CIMIP3: variants seen among roughly 807,000 people sequenced by gnomAD.
CIMIP3 encodes the protein GUCA1A neighbor.
At chr6:42,159,563 T>C in the CIMIP3 span, among the ~76,000 whole-genome samples, 97,240 of 152,158 alleles carry the variant, frequency 0.64, 31,409 homozygotes, top group South Asian at 0.7. Flanking sequence ...GCAGTCAAAA[T>C]CCCACAGTGT....
chr6:42,155,525 G>A, the CIMIP3 span: 1 of 717,284 alleles, frequency 1.4e-6, no homozygotes, highest in Admixed American at 2.0e-5. Flanking sequence ...TCAGCTCGGG[G>A]TCACAAGAAG....
the CIMIP3 span, among the ~76,000 whole-genome samples, chr6:42,161,336 G>A: frequency 6.6e-6 from 1 of 152,178 alleles, no homozygotes; most frequent in Non-Finnish European, 1.5e-5. Context: ...AGGGCTGTGA[G>A]GCTGGGGGAG....
the CIMIP3 span, chr6:42,155,493 G>A: frequency 1.4e-6 from 1 of 715,164 alleles, no homozygotes; most frequent in Non-Finnish European, 2.6e-6. Context: ...AAGGTGTGAT[G>A]AAATCACAGG....
At chr6:42,155,687 G>A in the CIMIP3 span, 1 of 712,932 alleles carries the variant, frequency 1.4e-6, no homozygotes. Flanking sequence ...CGATCTCTCT[G>A]GGGAGATGGA....
chr6:42,163,241 C>T, the CIMIP3 span: 21 of 592,536 alleles, frequency 3.5e-5, no homozygotes, highest in African/African-American at 1.5e-4. Context: ...GGTCTTGTGG[C>T]GCTCCTAGGC....
At chr6:42,158,590 C>G in the CIMIP3 span, among the ~76,000 whole-genome samples, 3 of 152,260 alleles carry the variant, frequency 2.0e-5, no homozygotes, top group Non-Finnish European at 4.4e-5. Flanking sequence ...GGTTCCCACA[C>G]TAACCAGTTG....
chr6:42,162,627 G>A, the CIMIP3 span, among the ~76,000 whole-genome samples: 5 of 150,538 alleles, frequency 3.3e-5, no homozygotes, highest in Non-Finnish European at 5.9e-5. Flanking sequence ...TGGATGCAGG[G>A]AAGGGGGGTG....
chr6:42,156,306 C>CTTTTTTTTTT, the CIMIP3 span, among the ~76,000 whole-genome samples: 6 of 137,094 alleles, frequency 4.4e-5, no homozygotes, highest in Admixed American at 7.3e-5. Flanking sequence ...ATTTTTTTTT[C>CTTTTTTTTTT]TTTTTTTTTT....
the CIMIP3 span, among the ~76,000 whole-genome samples, chr6:42,160,467 A>G: frequency 3.3e-5 from 5 of 152,234 alleles, no homozygotes; most frequent in Non-Finnish European, 5.9e-5. Context: ...AGAGATGCAT[A>G]GAACGCAGTC....
At chr6:42,155,593 G>A in the CIMIP3 span, 1 of 717,506 alleles carries the variant, frequency 1.4e-6, no homozygotes, top group African/African-American at 1.7e-5. Flanking sequence ...GCGGCTGGGA[G>A]GTAGGTCCTC....
At chr6:42,162,246 TGTA>T in the CIMIP3 span, among the ~76,000 whole-genome samples, 1 of 151,614 alleles carries the variant, frequency 6.6e-6, no homozygotes, top group South Asian at 2.1e-4. Context: ...AAACCCCATC[TGTA>T]CTAAAAATAC....
chr6:42,156,789 G>C, the CIMIP3 span, among the ~76,000 whole-genome samples: 1 of 152,174 alleles, frequency 6.6e-6, no homozygotes, highest in Non-Finnish European at 1.5e-5. Context: ...CTTGCCCAAG[G>C]TCGCCTGACC....
chr6:42,163,199 C>T, the CIMIP3 span: 7 of 596,808 alleles, frequency 1.2e-5, no homozygotes, highest in Admixed American at 8.5e-5. Context: ...TGACCACACC[C>T]GCAAGCGCTT....
the CIMIP3 span, among the ~76,000 whole-genome samples, chr6:42,162,152 G>A: frequency 1.6e-5 from 2 of 127,174 alleles, no homozygotes; most frequent in Admixed American, 1.0e-4. Flanking sequence ...AGTGGCTCAC[G>A]CCTGTTATCC....
the CIMIP3 span, among the ~76,000 whole-genome samples, chr6:42,160,159 AT>A: frequency 1.3e-5 from 2 of 149,612 alleles, no homozygotes; most frequent in South Asian, 2.1e-4. Context: ...CTAATTTTTA[AT>A]TTTTTTTTTA....
chr6:42,162,882 C>T, the CIMIP3 span: 1 of 603,498 alleles, frequency 1.7e-6, no homozygotes, highest in Non-Finnish European at 3.1e-6. Flanking sequence ...GTCCCAGTAT[C>T]CAATGCCTCA....
the CIMIP3 span, among the ~76,000 whole-genome samples, chr6:42,158,162 G>A: frequency 6.6e-6 from 1 of 152,232 alleles, no homozygotes; most frequent in Admixed American, 6.5e-5. Flanking sequence ...TGTGAGCAAA[G>A]AATAGCCAGT....
the CIMIP3 span, chr6:42,155,714 C>G: frequency 1.4e-6 from 1 of 697,262 alleles, no homozygotes. Context: ...GAACAGGACA[C>G]CCTCCATCTT....
At chr6:42,160,801 G>T in the CIMIP3 span, among the ~76,000 whole-genome samples, 4 of 152,236 alleles carry the variant, frequency 2.6e-5, no homozygotes, top group South Asian at 8.3e-4. Context: ...AAAACTGAGG[G>T]CACATTTATA....
Sources: gnomAD v4.1 joint callset for allele counts (sites outside exome capture counted in the v4.1 genomes callset) on GRCh38, gnomAD v4.1.1 for gene constraint, MANE v1.5 for transcripts, NCBI Gene and HGNC (gene_info 2026-07-23, HGNC 2026-07-21) for gene names.